UBXN6: variants seen among roughly 807,000 people sequenced by gnomAD.
UBXN6 encodes the protein UBX domain protein 6.
Under a neutral mutation model 51.4 loss-of-function variants are expected in UBXN6, and 44 were observed. That is an observed-to-expected ratio of 0.86 (90% CI 0.67 to 1.10). The LOEUF is 1.10. UBXN6 is among the 50% of genes least tolerant of loss of function. The pLI is 0.00. For synonymous variants in UBXN6, 316 were observed against 263.2 expected (o/e 1.20, Z -1.94); for missense variants, 672 against 596.1 (o/e 1.13, Z -1.32).
At chr19:4,457,052 C>T (rs941896539) in intron 1 of UBXN6, among the ~76,000 whole-genome samples, 11 of 152,048 alleles carry the variant, frequency 7.2e-5, no homozygotes, top group Non-Finnish European at 1.5e-4. Flanking sequence ...CCCATGGATA[C>T]CTCAAAACAA....
In UBXN6 at chr19:4,453,972, G is replaced by T; in HGVS notation, c.205C>A (p.Arg69=). The change falls in exon 2 of 11, where the codon CGG becomes AGG. Residue 69 remains arginine, a synonymous_variant. Transcript: ENST00000301281. ...TCCTGCGATGTGGGGCCCCAGGCCC[G>T]GGACTGCTTCTGCTCCAGCCGGGCT... is the stretch of plus-strand genomic sequence containing the variant. ...ALARLEQKQS[R]AWGPTSQDTI... The T allele has an allele frequency of 6.2e-7, 1 of 1,611,202 alleles. No individual in the cohort carries two copies.
At chr19:4,452,529 C>G (rs1226284326) in intron 3 of UBXN6, 37 bp from the exon 4 acceptor site, 10 of 1,593,628 alleles carry the variant, frequency 6.3e-6, no homozygotes, top group Admixed American at 1.8e-5. Flanking sequence ...GGACCGTGGA[C>G]AGAGGCCACC....
rs2145170779 is a variant in UBXN6 at position 4,446,847 on chromosome 19, G to A, written c.689C>T (p.Ala230Val). 1 of 1,614,042 alleles carries A rather than the reference G, an allele frequency of 6.2e-7. No homozygotes were observed. The highest frequency in any genetic ancestry group is 8.5e-7 in the Non-Finnish European group (1 of 1,180,022). Residue 230 changes from alanine to valine, a missense_variant, in exon 7 of 11, where the codon GCC becomes GTC. Ala to Val is a moderately conservative substitution (Grantham distance 64, BLOSUM62 0). Coordinates refer to ENST00000301281, the MANE Select transcript of UBXN6 (RefSeq NM_025241.3). The part of the protein sequence containing the change: ...AIGFQKVLLP[A>V]QDQEDPEEFY... ...CCCTGTCCACTTACCCTGATCCTGG[G>A]CGGGAAGCAACACCTTCTGGAACCC...
chr19:4,445,134 A>C lies in UBXN6; in HGVS notation c.*364T>G. The C allele has an allele frequency of 4.0e-6, 1 of 251,104 alleles. No individual in the cohort carries two copies. Among genetic ancestry groups the C allele is most frequent in the Non-Finnish European group, 7.8e-6 (1 of 127,478 alleles). 15.6% of individuals were successfully genotyped at this position (251,104 alleles called of 1,614,324 possible). On this transcript the variant is annotated 3_prime_UTR_variant, in exon 11 of 11. Transcript: ENST00000301281. The stretch of plus-strand genomic sequence containing the variant: ...AGCAGCCCTAGTGCCAGGTGCAGCC[A>C]CTGCCACCCACGGCACACGGGAACA...
chr19:4,454,331 G>A (rs574568541), intron 1 of UBXN6, among the ~76,000 whole-genome samples: 4 of 152,258 alleles, frequency 2.6e-5, no homozygotes, highest in East Asian at 1.9e-4. Flanking sequence ...CTGCACCATC[G>A]GGCAAGTCCT....
chr19:4,455,804 G>A (rs1974731878), intron 1 of UBXN6, among the ~76,000 whole-genome samples: 1 of 151,900 alleles, frequency 6.6e-6, no homozygotes. Context: ...GAGAAGGAGG[G>A]GCAGATTTCC....
At chr19:4,457,262 C>T (rs907813996) in intron 1 of UBXN6, among the ~76,000 whole-genome samples, 2 of 151,488 alleles carry the variant, frequency 1.3e-5, no homozygotes, top group Non-Finnish European at 2.9e-5. Context: ...CTGCCTACAG[C>T]CCCGTCGCCC....
At chr19:4,452,567 G>A (rs551163582) in intron 3 of UBXN6, 75 bp from the exon 4 acceptor site, 2 of 1,515,492 alleles carry the variant, frequency 1.3e-6, no homozygotes, top group South Asian at 2.5e-5. Flanking sequence ...CCACAGTCCT[G>A]AGTGTGGCCC....
intron 2 of UBXN6, 42 bp downstream of exon 2, chr19:4,453,888 T>C (rs1290213234): frequency 3.8e-6 from 6 of 1,590,662 alleles, no homozygotes; most frequent in Non-Finnish European, 5.1e-6. Context: ...GCCGAGAACC[T>C]CAAACAGCCC....
At chr19:4,452,643 G>A in intron 3 of UBXN6, 151 bp from the exon 4 acceptor site, 8 of 1,126,030 alleles carry the variant, frequency 7.1e-6, no homozygotes, top group Non-Finnish European at 7.3e-6. Context: ...AGACACCCTG[G>A]CCAAGTGACC....
At chr19:4,447,351 T>A in intron 6 of UBXN6, 199 bp downstream of exon 6, 1 of 604,638 alleles carries the variant, frequency 1.7e-6, no homozygotes. Context: ...ATTTGTTGAT[T>A]TGGGGTGACC....
intron 4 of UBXN6, chr19:4,448,956 T>C (rs1974599235): frequency 1.3e-5 from 2 of 154,654 alleles, no homozygotes; most frequent in African/African-American, 4.8e-5. Flanking sequence ...TGAAACTCAA[T>C]AGCTGGAAGA....
intron 1 of UBXN6, 52 bp downstream of exon 1, chr19:4,457,562 TC>T: frequency 1.4e-6 from 2 of 1,469,328 alleles, no homozygotes; most frequent in Non-Finnish European, 9.1e-7. Flanking sequence ...CAGATCTCTC[TC>T]CCCGGCCGTC....
rs1169903793 is a variant in UBXN6 at position 4,448,361 on chromosome 19, T to A, written c.496A>T (p.Lys166Ter). 6.2e-7 allele frequency: 1 copy of A among 1,610,788 alleles called. No homozygotes were observed. The highest frequency in any genetic ancestry group is 1.7e-5 in the Admixed American group (1 of 59,680). ...CCCAGCTTCACCCGGTCCTGGTCTT[T>A]GTTGAACGTGTAGATCTTCATGATG... ...ASIMKIYTFN[K>*]DQDRVKLGVD... The change falls in exon 5 of 11, where the codon AAA becomes TAA. Residue 166 changes from lysine to a stop codon, truncating the protein, a stop_gained. Coordinates refer to ENST00000301281, the MANE Select transcript of UBXN6 (RefSeq NM_025241.3). LOFTEE classifies it high-confidence loss of function.
intron 1 of UBXN6, 149 bp from the exon 2 acceptor site, chr19:4,454,242 GGGCCACCTGCAGCCACCA>G: frequency 2.3e-6 from 2 of 855,798 alleles, no homozygotes; most frequent in Non-Finnish European, 3.5e-6. Flanking sequence ...TGGTTCCCAG[GGGCCACCTGCAGCCACCA>G]GATGGTTCTA....
chr19:4,446,946 G>C (rs748387045), intron 6 of UBXN6, 26 bp from the exon 7 acceptor site: 3 of 1,610,322 alleles, frequency 1.9e-6, no homozygotes, highest in South Asian at 1.1e-5. Flanking sequence ...GGCGTCACTG[G>C]GGGCCCCTGG....
chr19:4,446,579 G>T lies in UBXN6; in HGVS notation c.841C>A (p.Pro281Thr). Residue 281 changes from proline to threonine, a missense_variant, in exon 8 of 11, where the codon CCC (proline) becomes ACC (threonine). By Grantham distance (38) the Pro-to-Thr change is conservative. Coordinates refer to ENST00000301281, the MANE Select transcript of UBXN6 (RefSeq NM_025241.3). ...DRQRRVFQPS[P>T]LASQFELPGD... is the part of the protein sequence containing the mutation. Reference sequence around the variant, plus strand: ...GGCAGTTCGAACTGCGAGGCCAGGGGCGAGGGCTGGAAGACGCGGCGCTGC... The same window carrying T: ...GGCAGTTCGAACTGCGAGGCCAGGGTCGAGGGCTGGAAGACGCGGCGCTGC... 1 of 1,612,636 alleles carries T rather than the reference G, an allele frequency of 6.2e-7. No individual in the cohort carries two copies. Among genetic ancestry groups the T allele is most frequent in the Non-Finnish European group, 8.5e-7 (1 of 1,179,922 alleles).
rs377568188 is a variant in UBXN6, at chr19:4,455,298, C to T, written c.84-1205G>A. On this transcript the variant is annotated intron_variant, in intron 1 of 10. Transcript: ENST00000301281. ...GGCTCTCAGTTCAAGCCCTATACTC[C>T]TCTGGCTCTGCTTACATACCCGGGC... 3.3e-5 allele frequency: 33 copies of T among 985,556 alleles called. No homozygotes were observed. The African/African-American group carries it at 5.8e-4, about 17-fold the overall frequency. 61.1% of individuals were successfully genotyped at this position (985,556 alleles called of 1,614,324 possible). A position where few individuals can be genotyped will look rare whatever the true frequency, so the allele number is the denominator to read the frequency against.
chr19:4,446,792 C>G lies in UBXN6; in HGVS notation c.700+44G>C, dbSNP rs199552431. On this transcript the variant is annotated intron_variant, in intron 7 of 10. Coordinates refer to ENST00000301281, the MANE Select transcript of UBXN6 (RefSeq NM_025241.3). ...CAAGCCGGGCCCTCCTGCCCCGAGG[C>G]CCCTCGTCCCCATTCCCTACTCAGC... 172 of 1,613,406 alleles carry G rather than the reference C, an allele frequency of 1.1e-4. No individual in the cohort carries two copies. In the East Asian group the frequency reaches 3.6e-3, roughly 34 times the overall value.
Sources: allele counts gnomAD v4.1 joint callset (sites outside exome capture counted in the v4.1 genomes callset), GRCh38; gene constraint gnomAD v4.1.1; transcripts MANE v1.5; gene names NCBI Gene and HGNC (gene_info 2026-07-23, HGNC 2026-07-21).